ITSN1: variants seen among roughly 807,000 people sequenced by gnomAD.
The protein encoded by ITSN1 is intersectin-1.
A neutral mutation model predicts 239.8 loss-of-function variants in ITSN1; 58 were observed. The observed-to-expected ratio is 0.24, with a 90% CI of 0.20 to 0.30. ITSN1 has a LOEUF of 0.30. Ranked by LOEUF, ITSN1 falls within the 10% of genes least tolerant of loss-of-function variation. The pLI is 1.00. For missense variants in ITSN1, 1,558 were observed against 2,103.3 expected (o/e 0.74, Z 5.07); for synonymous variants, 780 against 770.8 (o/e 1.01, Z -0.20).
intron 1 of ITSN1, among the ~76,000 whole-genome samples, chr21:33,713,098 G>A (rs969415374): frequency 4.6e-5 from 7 of 151,930 alleles, no homozygotes; most frequent in Admixed American, 1.3e-4. Context: ...GGCTGGTCAC[G>A]AACTCCTGAC....
At chr21:33,802,819 A>G (rs2148099229) in intron 20 of ITSN1, among the ~76,000 whole-genome samples, 1 of 152,346 alleles carries the variant, frequency 6.6e-6, no homozygotes, top group East Asian at 1.9e-4. Context: ...TCTGGCTAAG[A>G]AAGGCCTTTT....
intron 1 of ITSN1, among the ~76,000 whole-genome samples, chr21:33,644,763 G>C (rs2087775446): frequency 6.6e-6 from 1 of 151,346 alleles, no homozygotes; most frequent in Non-Finnish European, 1.5e-5. Context: ...CAAGTGCCTA[G>C]ACTGGGACAA....
chr21:33,799,360 T>C (rs1013705942), intron 18 of ITSN1, among the ~76,000 whole-genome samples: 2 of 152,188 alleles, frequency 1.3e-5, no homozygotes, highest in African/African-American at 4.8e-5. Context: ...CATGTTTCAG[T>C]ATGGAAACTG....
chr21:33,729,791 A>G (rs1008841488), intron 4 of ITSN1, among the ~76,000 whole-genome samples: 1 of 152,238 alleles, frequency 6.6e-6, no homozygotes, highest in African/African-American at 2.4e-5. Flanking sequence ...ATAAAATGGA[A>G]CATAAAGTAG....
chr21:33,802,076 A>C (rs1208565523), intron 19 of ITSN1, among the ~76,000 whole-genome samples: 1 of 152,206 alleles, frequency 6.6e-6, no homozygotes, highest in African/African-American at 2.4e-5. Flanking sequence ...ACCTCATTAC[A>C]ATTTTTTTTT....
At chr21:33,864,058 G>A (rs1156913209) in intron 31 of ITSN1, among the ~76,000 whole-genome samples, 2 of 152,188 alleles carry the variant, frequency 1.3e-5, no homozygotes, top group African/African-American at 2.4e-5. Context: ...CCAAAAATGT[G>A]GGAGAAAGAA....
Position 33,876,131 on chromosome 21 carries a change from TTC to T in ITSN1, c.4341+612_4341+613del, listed in dbSNP as rs1213473666. Among the ~76,000 whole-genome samples the T allele has an allele frequency of 6.9e-4, 11 of 15,960 alleles. No homozygotes were observed. The African/African-American group carries it at 0.011, about 16-fold the overall frequency. The allele number at this position is 15,960 out of a possible 152,430, so 10.5% of individuals were successfully genotyped here. The stretch of plus-strand genomic sequence containing the variant: ...TTTCTTTCTTTCTTTCTTTCTTTCT[TTC>T]TTTCTTTCTTTCTTTCTTTCTCTCT... On this transcript the variant is annotated intron_variant, in intron 34 of 39. Coordinates refer to ENST00000381318, the MANE Select transcript of ITSN1 (RefSeq NM_003024.3).
At position 33,892,339 on chromosome 21, in the gene ITSN1, G is replaced by A. The variant is rs1986418518; in HGVS notation, c.*4039G>A. 1 of 152,216 alleles carries A rather than the reference G, an allele frequency of 6.6e-6. No individual in the cohort carries two copies. The highest frequency in any genetic ancestry group is 2.1e-4 in the South Asian group (1 of 4,826). The allele number at this position is 152,216 out of a possible 1,614,324, so 9.4% of individuals were successfully genotyped here. A position where few individuals can be genotyped will look rare whatever the true frequency, so the allele number is the denominator to read the frequency against. On this transcript the variant is annotated 3_prime_UTR_variant, in exon 40 of 40. Transcript: ENST00000381318. ...TAACACCTCCTTCTTTTTGCACCGT[G>A]GGGTGCTGAAATTCCTGCTAGAGAC...
rs560533086 is a variant in ITSN1 at position 33,767,255 on chromosome 21, T to G, written c.927-458T>G. 5.9e-5 allele frequency among the ~76,000 whole-genome samples: 9 copies of G among 152,292 alleles called. No homozygotes were observed. In the South Asian group the frequency reaches 1.9e-3, roughly 32 times the overall value. On this transcript the variant is annotated intron_variant, in intron 10 of 39. Coordinates refer to ENST00000381318, the MANE Select transcript of ITSN1 (RefSeq NM_003024.3). ...AAATTAGTAAACAAAGTGATTTGTT[T>G]TACGAACTATATAGACATTGCATGT... is the stretch of plus-strand genomic sequence containing the variant.
chr21:33,867,209 A>G, intron 32 of ITSN1, 24 bp from the exon 33 acceptor site: 1 of 1,463,684 alleles, frequency 6.8e-7, no homozygotes, highest in South Asian at 1.1e-5. Context: ...TTTCTTAAGT[A>G]CATTTAAAAA....
intron 27 of ITSN1, among the ~76,000 whole-genome samples, chr21:33,832,351 T>C (rs1180138528): frequency 6.6e-6 from 1 of 152,246 alleles, no homozygotes; most frequent in African/African-American, 2.4e-5. Context: ...TATTTTATAT[T>C]ACTTTGCTTT....
intron 4 of ITSN1, among the ~76,000 whole-genome samples, chr21:33,727,141 T>G (rs2065877578): frequency 6.6e-6 from 1 of 152,186 alleles, no homozygotes; most frequent in African/African-American, 2.4e-5. Context: ...ATTATAACCG[T>G]GGCCAAAGAT....
chr21:33,792,121 T>C (rs934051186), intron 16 of ITSN1, among the ~76,000 whole-genome samples: 1 of 152,234 alleles, frequency 6.6e-6, no homozygotes, highest in African/African-American at 2.4e-5. Flanking sequence ...CACCTAAAGA[T>C]CATCCATTCT....
At chr21:33,690,063 C>T (rs2091438197) in intron 1 of ITSN1, among the ~76,000 whole-genome samples, 1 of 151,028 alleles carries the variant, frequency 6.6e-6, no homozygotes. Flanking sequence ...GCAGGCGAAT[C>T]ACTTGAGGTC....
chr21:33,745,485 AG>A (rs2067125499), intron 5 of ITSN1, among the ~76,000 whole-genome samples: 1 of 152,218 alleles, frequency 6.6e-6, no homozygotes, highest in Admixed American at 6.5e-5. Context: ...AATTAACCAA[AG>A]GTATATAACA....
chr21:33,772,357 G>T, intron 12 of ITSN1, 34 bp downstream of exon 12: 3 of 1,547,808 alleles, frequency 1.9e-6, no homozygotes, highest in Non-Finnish European at 2.6e-6. Flanking sequence ...CCCGGAGTTA[G>T]TGTGCGATCA....
chr21:33,711,852 A>G (rs2092428155), intron 1 of ITSN1, among the ~76,000 whole-genome samples: 1 of 152,130 alleles, frequency 6.6e-6, no homozygotes, highest in Non-Finnish European at 1.5e-5. Context: ...CATATGTGTT[A>G]TATTTATGTT....
chr21:33,762,975 A>G (rs1031869021), intron 9 of ITSN1, among the ~76,000 whole-genome samples: 3 of 152,048 alleles, frequency 2.0e-5, no homozygotes, highest in African/African-American at 4.8e-5. Flanking sequence ...CTTTCTTCTT[A>G]GCACAGTCAT....
intron 1 of ITSN1, among the ~76,000 whole-genome samples, chr21:33,692,981 G>A (rs570418824): frequency 2.6e-4 from 40 of 152,180 alleles, no homozygotes; most frequent in African/African-American, 8.7e-4. Flanking sequence ...ATTTGTAGTG[G>A]AAATGGGGTT....
Sources: allele counts gnomAD v4.1 joint callset (sites outside exome capture counted in the v4.1 genomes callset), GRCh38; gene constraint gnomAD v4.1.1; transcripts MANE v1.5; gene names NCBI Gene and HGNC (gene_info 2026-07-23, HGNC 2026-07-21).